The following LYG2 variants were observed in gnomAD, a reference collection of about 807,000 sequenced individuals.
The protein encoded by LYG2 is lysozyme g2.
In LYG2, 25 loss-of-function variants were observed where a neutral mutation model predicts 22.4. That is an observed-to-expected ratio of 1.12 (90% confidence interval 0.81 to 1.56). The LOEUF (loss-of-function observed/expected upper bound fraction) is 1.56. LYG2 is among the 40% of genes most tolerant of loss of function. The probability of loss-of-function intolerance (pLI) is 0.00; values close to 1 mark genes in which losing one functional copy is unlikely to be tolerated. For missense variants in LYG2, 266 were observed against 269.5 expected (o/e 0.99, Z 0.09); for synonymous variants, 88 against 97.0 (o/e 0.91, Z 0.55).
At chr2:99,246,407 C>A (rs926745808) in intron 4 of LYG2, among the ~76,000 whole-genome samples, 1 of 151,874 alleles carries the variant, frequency 6.6e-6, no homozygotes, top group African/African-American at 2.4e-5. Flanking sequence ...GCAGCACCAC[C>A]CAAAAAACAA....
At position 99,243,942 on chromosome 2, in the gene LYG2, G is replaced by A; in HGVS notation, c.520+57C>T. The A allele has an allele frequency of 5.0e-6, 8 of 1,603,506 alleles. No individual in the cohort carries two copies. The East Asian group carries it at 1.8e-4, about 36-fold the overall frequency. On this transcript the variant is annotated intron_variant, in intron 6 of 6. Transcript: ENST00000333017. ...TCCCAGGGAGTCTCGGGTCACACTGGCCTTCAGTGGTCTCATTCATTGCTC... is the reference window on the plus strand; with the variant it reads ...TCCCAGGGAGTCTCGGGTCACACTGACCTTCAGTGGTCTCATTCATTGCTC...
At chr2:99,257,820 A>G (rs554425726), upstream of LYG2, among the ~76,000 whole-genome samples, 9 of 152,182 alleles carry the variant, frequency 5.9e-5, no homozygotes, top group Non-Finnish European at 1.2e-4. Flanking sequence ...AAATGGCCTC[A>G]GCAATTGGAA....
chr2:99,257,352 T>C (rs1243472245), upstream of LYG2, among the ~76,000 whole-genome samples: 1 of 152,242 alleles, frequency 6.6e-6, no homozygotes, highest in Non-Finnish European at 1.5e-5. Context: ...GGTAGAATAA[T>C]AGGAAGGGGC....
Position 99,245,250 on chromosome 2 carries a change from C to G in LYG2, c.381+12G>C. 1 of 1,579,306 alleles carries G rather than the reference C, an allele frequency of 6.3e-7. No individual in the cohort carries two copies. Among genetic ancestry groups the G allele is most frequent in the African/African-American group, 1.4e-5 (1 of 73,896 alleles). ...ATGCAGTGGGGCTGATAGAAAGTTTCTAGCTAAATACCTGCATCAAGCCAA... is the reference window on the plus strand; with the variant it reads ...ATGCAGTGGGGCTGATAGAAAGTTTGTAGCTAAATACCTGCATCAAGCCAA... On this transcript the variant is annotated intron_variant, in intron 5 of 6. Coordinates refer to ENST00000333017, the MANE Select transcript of LYG2 (RefSeq NM_175735.4).
rs779919976 is a variant in LYG2 at position 99,244,006 on chromosome 2, G to A, written c.513C>T (p.His171=). ...ACTCAGAATACAGCCTACCTTTGAG[G>A]TGCTGAGCAACACTCCACGTGGGGA... The part of the protein sequence containing the change: ...KKFPTWSVAQ[H]LKGGLSAFKS... The change falls in exon 6 of 7, where the codon CAC becomes CAT. Residue 171 remains histidine (H), a synonymous_variant. Coordinates refer to ENST00000333017, the MANE Select transcript of LYG2 (RefSeq NM_175735.4). The A allele has an allele frequency of 6.2e-7, 1 of 1,614,034 alleles. No homozygotes were observed. Among genetic ancestry groups the A allele is most frequent in the South Asian group, 1.1e-5 (1 of 91,076 alleles).
chr2:99,248,666 T>C (rs1281954419), intron 3 of LYG2, among the ~76,000 whole-genome samples: 2 of 150,504 alleles, frequency 1.3e-5, no homozygotes, highest in Non-Finnish European at 3.0e-5. Flanking sequence ...CACACCAGCA[T>C]GGCACATGTA....
chr2:99,257,203 G>GT (rs1342386962), upstream of LYG2, among the ~76,000 whole-genome samples: 1 of 152,230 alleles, frequency 6.6e-6, no homozygotes, highest in Non-Finnish European at 1.5e-5. Flanking sequence ...TCTGTCAAAT[G>GT]TTTGTAGGTG....
upstream of LYG2, among the ~76,000 whole-genome samples, chr2:99,256,587 G>C (rs565861695): frequency 6.6e-6 from 1 of 152,190 alleles, no homozygotes; most frequent in Admixed American, 6.5e-5. Flanking sequence ...AAGAAGTTAC[G>C]AATGATAAGT....
At chr2:99,244,782 A>C (rs1361222218) in intron 5 of LYG2, among the ~76,000 whole-genome samples, 2 of 152,172 alleles carry the variant, frequency 1.3e-5, no homozygotes, top group African/African-American at 4.8e-5. Flanking sequence ...CCTTGAATAA[A>C]ATAAAAAGAT....
chr2:99,258,301 A>G (rs2094040206), upstream of LYG2, among the ~76,000 whole-genome samples: 1 of 152,242 alleles, frequency 6.6e-6, no homozygotes, highest in African/African-American at 2.4e-5. Context: ...TAAATTTTAT[A>G]TGTAAAAACA....
the LYG2 span, among the ~76,000 whole-genome samples, chr2:99,261,394 A>G: frequency 7.9e-5 from 12 of 152,084 alleles, no homozygotes; most frequent in Non-Finnish European, 1.5e-4. Flanking sequence ...GTTACAACAA[A>G]CAGTAGCATA....
At chr2:99,246,011 G>C (rs1396735432) in intron 4 of LYG2, among the ~76,000 whole-genome samples, 1 of 152,172 alleles carries the variant, frequency 6.6e-6, no homozygotes, top group African/African-American at 2.4e-5. Context: ...AGGAGACTGA[G>C]GCAGGAGAAT....
intron 3 of LYG2, among the ~76,000 whole-genome samples, chr2:99,251,135 G>C (rs2094025853): frequency 6.6e-6 from 1 of 152,136 alleles, no homozygotes; most frequent in Non-Finnish European, 1.5e-5. Flanking sequence ...ACAGGGATAG[G>C]GGATAGACTA....
intron 5 of LYG2, among the ~76,000 whole-genome samples, chr2:99,245,021 A>G (rs542478760): frequency 1.6e-4 from 24 of 151,844 alleles, no homozygotes; most frequent in African/African-American, 5.8e-4. Context: ...CTGAGGGAGG[A>G]GAATCACTTG....
At chr2:99,248,274 C>T (rs1334793252) in intron 3 of LYG2, among the ~76,000 whole-genome samples, 1 of 152,182 alleles carries the variant, frequency 6.6e-6, no homozygotes, top group African/African-American at 2.4e-5. Flanking sequence ...TATAAAGACA[C>T]ATGCACACGT....
rs2094007815 is a variant in LYG2, at chr2:99,242,312, A to G, written c.*52T>C. 1 of 993,760 alleles carries G rather than the reference A, an allele frequency of 1.0e-6. No individual in the cohort carries two copies. The highest frequency in any genetic ancestry group is 2.5e-5 in the East Asian group (1 of 40,290). 61.6% of individuals were successfully genotyped at this position (993,760 alleles called of 1,614,324 possible). On this transcript the variant is annotated 3_prime_UTR_variant, in exon 7 of 7. Coordinates refer to ENST00000333017, the MANE Select transcript of LYG2 (RefSeq NM_175735.4). ...TACAACACATTCACGTAAAACTCTCAAAGGCGGCCATCTGAGCACTCTGCC... is the reference window on the plus strand; with the variant it reads ...TACAACACATTCACGTAAAACTCTCGAAGGCGGCCATCTGAGCACTCTGCC...
At chr2:99,261,322 G>A in the LYG2 span, among the ~76,000 whole-genome samples, 2 of 152,160 alleles carry the variant, frequency 1.3e-5, no homozygotes, top group African/African-American at 4.8e-5. Flanking sequence ...TGGAGGTGGA[G>A]TGTATCGGCC....
intron 6 of LYG2, 58 bp from the exon 7 acceptor site, chr2:99,242,540 T>C (rs906488000): frequency 9.2e-6 from 11 of 1,192,286 alleles, no homozygotes; most frequent in Non-Finnish European, 1.3e-5. Context: ...AAATAAGCAA[T>C]GAGCATTGCC....
chr2:99,246,888 A>G (rs1167153186), intron 3 of LYG2, 68 bp from the exon 4 acceptor site: 6 of 1,490,500 alleles, frequency 4.0e-6, no homozygotes, highest in South Asian at 1.3e-5. Context: ...TGCAATAAAC[A>G]TCACTAAACC....
Sources: gnomAD v4.1 joint callset for allele counts (sites outside exome capture counted in the v4.1 genomes callset) on GRCh38, gnomAD v4.1.1 for gene constraint, MANE v1.5 for transcripts, NCBI Gene and HGNC (gene_info 2026-07-23, HGNC 2026-07-21) for gene names.